CACHD1: variants seen among roughly 807,000 people sequenced by gnomAD.
CACHD1 encodes cache domain containing 1.
In CACHD1, 71 loss-of-function variants were observed where a neutral mutation model predicts 138.7. The observed-to-expected ratio is 0.51, with a 90% CI of 0.42 to 0.62. The LOEUF is 0.62. Ranked by LOEUF, CACHD1 falls within the 20% of genes least tolerant of loss-of-function variation. CACHD1 has a pLI of 0.00. For synonymous variants in CACHD1, 578 were observed against 591.5 expected, an observed-to-expected ratio of 0.98 and a Z score of 0.33; for missense variants, 1,389 against 1,625.3, an observed-to-expected ratio of 0.85 and a Z score of 2.50.
At chr1:64,510,500 G>A (rs1646411963) in intron 1 of CACHD1, among the ~76,000 whole-genome samples, 1 of 152,164 alleles carries the variant, frequency 6.6e-6, no homozygotes, top group African/African-American at 2.4e-5. Flanking sequence ...CAGTGACGAC[G>A]GAACAGCCAG....
In CACHD1 at chr1:64,631,022, A is replaced by G. The variant is rs1648284681; in HGVS notation, c.644+1541A>G. ...CAAGTTCTCTACATTCTTTGGAAGT[A>G]TGGAATGGATTTCAGGACATAGCAA... On this transcript the variant is annotated intron_variant, in intron 5 of 26. Transcript: ENST00000651257. 3.3e-5 allele frequency among the ~76,000 whole-genome samples: 5 copies of G among 152,186 alleles called. No individual in the cohort carries two copies. In the South Asian group the frequency reaches 1.0e-3, roughly 31 times the overall value.
intron 16 of CACHD1, among the ~76,000 whole-genome samples, chr1:64,669,638 G>A (rs572046781): frequency 2.6e-5 from 4 of 152,234 alleles, no homozygotes; most frequent in African/African-American, 9.6e-5. Flanking sequence ...AAATCTCACG[G>A]AAGTATTGCA....
intron 2 of CACHD1, among the ~76,000 whole-genome samples, chr1:64,552,365 A>G (rs1646765376): frequency 6.6e-6 from 1 of 152,202 alleles, no homozygotes; most frequent in African/African-American, 2.4e-5. Flanking sequence ...TTGGGGCTCC[A>G]AGAGGTAAAA....
intron 8 of CACHD1, among the ~76,000 whole-genome samples, chr1:64,646,215 T>TC (rs1202298581): frequency 2.6e-5 from 4 of 152,194 alleles, no homozygotes; most frequent in Non-Finnish European, 4.4e-5. Flanking sequence ...TTGTTTTACT[T>TC]CTGTGAGCTT....
At chr1:64,626,429 G>A (rs1055235482) in intron 4 of CACHD1, among the ~76,000 whole-genome samples, 5 of 152,226 alleles carry the variant, frequency 3.3e-5, no homozygotes, top group Middle Eastern at 3.2e-3. Context: ...TAAAAATGGT[G>A]ATCCTCACTC....
intron 1 of CACHD1, among the ~76,000 whole-genome samples, chr1:64,493,003 A>G (rs528149354): frequency 1.3e-5 from 2 of 152,234 alleles, no homozygotes; most frequent in Non-Finnish European, 2.9e-5. Flanking sequence ...TGCTGAAGGA[A>G]TGAATGAATG....
chr1:64,516,955 C>T (rs951373470), intron 1 of CACHD1, among the ~76,000 whole-genome samples: 17 of 152,204 alleles, frequency 1.1e-4, no homozygotes, highest in African/African-American at 4.1e-4. Context: ...TTCATTCTGA[C>T]TTCTCCACTT....
intron 1 of CACHD1, among the ~76,000 whole-genome samples, chr1:64,538,356 T>G (rs1212749018): frequency 6.6e-6 from 1 of 152,212 alleles, no homozygotes; most frequent in Non-Finnish European, 1.5e-5. Flanking sequence ...GTTTCAGAGA[T>G]ATATTTATAA....
chr1:64,564,634 T>C (rs561227698), intron 2 of CACHD1, among the ~76,000 whole-genome samples: 1 of 152,318 alleles, frequency 6.6e-6, no homozygotes, highest in South Asian at 2.1e-4. Context: ...AAGATTGCTA[T>C]TCTTAATTTG....
chr1:64,627,249 TA>T lies in CACHD1; in HGVS notation c.518-2098del, dbSNP rs1348033305. Among the ~76,000 whole-genome samples the T allele has an allele frequency of 2.6e-5, 4 of 151,722 alleles. No homozygotes were observed. In the East Asian group the frequency reaches 7.8e-4, roughly 29 times the overall value. On this transcript the variant is annotated intron_variant, in intron 4 of 26. Transcript: ENST00000651257. ...CAGTGACACCCTGTCTCTACAAAAA[TA>T]AAAAAAATTAGCTGAGTGTGGCGGT... is the stretch of plus-strand genomic sequence containing the variant.
chr1:64,571,917 A>G (rs1646929889), intron 2 of CACHD1, among the ~76,000 whole-genome samples: 1 of 152,144 alleles, frequency 6.6e-6, no homozygotes, highest in Non-Finnish European at 1.5e-5. Context: ...TTTCTGACCT[A>G]TCCATCCCCA....
chr1:64,488,927 C>G (rs1020954718), intron 1 of CACHD1, among the ~76,000 whole-genome samples: 2 of 152,172 alleles, frequency 1.3e-5, no homozygotes, highest in African/African-American at 2.4e-5. Context: ...CCCTGCTTTC[C>G]TGGAGTGAAC....
intron 1 of CACHD1, among the ~76,000 whole-genome samples, chr1:64,510,630 CTCTT>C (rs1418458991): frequency 2.6e-5 from 4 of 152,030 alleles, no homozygotes; most frequent in African/African-American, 9.7e-5. Context: ...TTTCTAATAA[CTCTT>C]TCTTTTTTCT....
At position 64,678,161 on chromosome 1, in the gene CACHD1, A is replaced by G. The variant is rs1650054798; in HGVS notation, c.3095A>G (p.Asp1032Gly). 3.1e-6 allele frequency: 5 copies of G among 1,609,312 alleles called. No homozygotes were observed. The highest frequency in any genetic ancestry group is 4.2e-6 in the Non-Finnish European group (5 of 1,178,112). The part of the protein sequence containing the change: ...SRCSQRLESG[D>G]CFGVLDCEWC... ...ACTAAGTATTGTTTTTCTGGCAGGG[A>G]CTGTTTTGGGGTGCTGGATTGTGAA... Residue 1032 changes from aspartate to glycine, a missense_variant and splice_region_variant, in exon 23 of 27, where the codon GAC (aspartate) becomes GGC (glycine). Asp to Gly is a moderately conservative substitution (Grantham distance 94). Around this residue, in one of 5 missense-constraint regions of CACHD1, gnomAD observed 250 missense variants for 292.9 expected, o/e 0.85. Transcript: ENST00000651257.
chr1:64,582,897 A>G (rs1647023646), intron 3 of CACHD1, among the ~76,000 whole-genome samples: 1 of 152,278 alleles, frequency 6.6e-6, no homozygotes, highest in South Asian at 2.1e-4. Context: ...GCTTAGTTTT[A>G]AGTTTGACTT....
chr1:64,547,437 C>T (rs1377435119), intron 1 of CACHD1, among the ~76,000 whole-genome samples: 1 of 152,194 alleles, frequency 6.6e-6, no homozygotes, highest in Non-Finnish European at 1.5e-5. Flanking sequence ...GCTTTCTTGA[C>T]TCACTGCAAC....
intron 4 of CACHD1, among the ~76,000 whole-genome samples, chr1:64,605,231 C>T (rs1241431710): frequency 6.6e-6 from 1 of 152,096 alleles, no homozygotes; most frequent in African/African-American, 2.4e-5. Context: ...TCCTAAAGTT[C>T]TGGGATTACA....
At chr1:64,654,629 A>G in intron 11 of CACHD1, 57 bp from the exon 12 acceptor site, 2 of 1,328,376 alleles carry the variant, frequency 1.5e-6, no homozygotes, top group South Asian at 1.2e-5. Context: ...CTTGCCTTTA[A>G]TTAAGTGCTT....
chr1:64,511,607 C>T (rs9729879), intron 1 of CACHD1, among the ~76,000 whole-genome samples: 14,282 of 152,192 alleles, frequency 0.094, 1,945 homozygotes, highest in African/African-American at 0.3. Flanking sequence ...GTCACCCAGC[C>T]GCTTCCCGCT....
Sources: allele counts gnomAD v4.1 joint callset (sites outside exome capture counted in the v4.1 genomes callset), GRCh38; gene constraint gnomAD v4.1.1; regional missense constraint gnomAD v4.1.1; transcripts MANE v1.5; gene names NCBI Gene and HGNC (gene_info 2026-07-23, HGNC 2026-07-21).